The following AGO3 variants were observed in gnomAD, a reference collection of about 807,000 sequenced individuals.
AGO3 encodes the protein protein argonaute-3.
In AGO3, 16 loss-of-function variants were observed where a neutral mutation model predicts 105.5. The ratio of observed to expected loss-of-function variants is 0.15; its 90% CI spans 0.10 to 0.23. The LOEUF is 0.23. Ranked by LOEUF, AGO3 falls within the 10% of genes least tolerant of loss-of-function variation. The pLI, the probability that AGO3 is intolerant of heterozygous loss-of-function variation, is 1.00. For missense variants in AGO3, 534 were observed against 1,088.0 expected (o/e 0.49, Z 7.16); for synonymous variants, 340 against 367.3 (o/e 0.93, Z 0.85).
chr1:36,051,001 A>G (rs1189365180), intron 17 of AGO3, among the ~76,000 whole-genome samples: 2 of 151,964 alleles, frequency 1.3e-5, no homozygotes, highest in Non-Finnish European at 2.9e-5. Flanking sequence ...TAATTTTGAC[A>G]TTTTTTGTAG....
rs1010325137 is a variant in AGO3 at position 36,008,608 on chromosome 1, T to C, written c.794-82T>C. ...TTTTTGTCTGTTCAGAATTGAGTTTTTATGGTAATGAACAGGCTTTATAAG... is the reference window on the plus strand; with the variant it reads ...TTTTTGTCTGTTCAGAATTGAGTTTCTATGGTAATGAACAGGCTTTATAAG... On this transcript the variant is annotated intron_variant, in intron 6 of 18. Coordinates refer to ENST00000373191, the MANE Select transcript of AGO3 (RefSeq NM_024852.4). The surrounding 1 kb of genome is among the most constrained non-coding windows in gnomAD (Gnocchi z 5.1). The C allele has an allele frequency of 1.5e-6, 2 of 1,346,696 alleles. No individual in the cohort carries two copies. The highest frequency in any genetic ancestry group is 2.1e-6 in the Non-Finnish European group (2 of 969,916). 83.4% of individuals were successfully genotyped at this position (1,346,696 alleles called of 1,614,324 possible). A position where few individuals can be genotyped will look rare whatever the true frequency, so the allele number is the denominator to read the frequency against.
intron 11 of AGO3, among the ~76,000 whole-genome samples, chr1:36,018,732 A>G (rs1011080091): frequency 6.6e-6 from 1 of 151,968 alleles, no homozygotes; most frequent in African/African-American, 2.4e-5. Context: ...CACCTGGCCA[A>G]TATGAGGTTT....
At chr1:35,972,829 C>A (rs1166399039) in intron 4 of AGO3, among the ~76,000 whole-genome samples, 1 of 150,816 alleles carries the variant, frequency 6.6e-6, no homozygotes, top group Non-Finnish European at 1.5e-5. Flanking sequence ...CAGGTATGCA[C>A]CATCATGCCT....
chr1:36,051,449 A>G (rs1642711507), intron 17 of AGO3, among the ~76,000 whole-genome samples: 1 of 152,162 alleles, frequency 6.6e-6, no homozygotes, highest in Non-Finnish European at 1.5e-5. Flanking sequence ...GGCTGGGCAC[A>G]TGGTACATGC....
rs927277748 is a variant in AGO3, at chr1:35,943,983, T to C, written c.20-1709T>C. On this transcript the variant is annotated intron_variant, in intron 1 of 18. Transcript: ENST00000373191. The stretch of plus-strand genomic sequence containing the variant: ...GAATTTCTTTTTTAAGGCTGAATAA[T>C]ATTTCATTGTATGTATATACCACAT... Among the ~76,000 whole-genome samples, 5 of 152,244 alleles carry C rather than the reference T, an allele frequency of 3.3e-5. No homozygotes were observed. The South Asian group carries it at 6.2e-4, about 19-fold the overall frequency.
intron 5 of AGO3, among the ~76,000 whole-genome samples, chr1:36,003,709 A>AAAAAAATATATATATAT (rs1295618675): frequency 4.0e-5 from 4 of 99,432 alleles, no homozygotes; most frequent in East Asian, 2.9e-4. Flanking sequence ...AAAAAAAAAA[A>AAAAAAATATATATATAT]ATATATATAT....
chr1:36,013,189 T>G (rs990044919), intron 9 of AGO3, among the ~76,000 whole-genome samples: 1 of 152,108 alleles, frequency 6.6e-6, no homozygotes, highest in Non-Finnish European at 1.5e-5. Flanking sequence ...TTCTCCCACC[T>G]CAGCCTCCCA....
Position 36,068,113 on chromosome 1 carries a change from ACT to A in AGO3, c.*12370_*12371del, listed in dbSNP as rs1395573083. 6.6e-6 allele frequency: 1 copy of A among 152,144 alleles called. No homozygotes were observed. Among genetic ancestry groups the A allele is most frequent in the East Asian group, 1.9e-4 (1 of 5,202 alleles). The allele number at this position is 152,144 out of a possible 1,614,324, so 9.4% of individuals were successfully genotyped here. A position where few individuals can be genotyped will look rare whatever the true frequency, so the allele number is the denominator to read the frequency against. Reference sequence around the variant, plus strand: ...TTGTTCTTTTTTCCCCATCACACACACTCACACACAAACACACACACTGTTAA... The same window carrying A: ...TTGTTCTTTTTTCCCCATCACACACACACACACAAACACACACACTGTTAA... On this transcript the variant is annotated 3_prime_UTR_variant, in exon 19 of 19. Transcript: ENST00000373191.
At chr1:36,028,232 G>A (rs1428620513) in intron 12 of AGO3, among the ~76,000 whole-genome samples, 3 of 151,400 alleles carry the variant, frequency 2.0e-5, no homozygotes, top group Non-Finnish European at 4.4e-5. Flanking sequence ...TATTTTTTTT[G>A]TTTGTATTTA....
intron 6 of AGO3, among the ~76,000 whole-genome samples, chr1:36,007,961 C>T (rs938878395): frequency 2.6e-5 from 4 of 152,128 alleles, no homozygotes; most frequent in Admixed American, 6.6e-5. Context: ...GGCAGGGATC[C>T]AAGAACTCCT....
rs137903049 is a variant in AGO3 at position 35,964,054 on chromosome 1, A to G, written c.192-2901A>G. Among the ~76,000 whole-genome samples the G allele has an allele frequency of 2.5e-3, 388 of 152,272 alleles. 3 individuals carry two copies. Among genetic ancestry groups the G allele is most frequent in the East Asian group, 0.012 (64 of 5,186 alleles). On this transcript the variant is annotated intron_variant, in intron 2 of 18. Transcript: ENST00000373191. ...TGTTAGGCATCAAAGCAGGATATAT[A>G]TATATATTTTGCCAAAATTGTAGCA...
intron 5 of AGO3, 39 bp from the exon 6 acceptor site, chr1:36,004,302 G>T: frequency 6.4e-7 from 1 of 1,564,358 alleles, no homozygotes; most frequent in Non-Finnish European, 8.7e-7. Context: ...AATTTTTTAG[G>T]GAAACATTAA....
At chr1:36,049,770 G>A (rs186176498) in intron 17 of AGO3, among the ~76,000 whole-genome samples, 4 of 152,196 alleles carry the variant, frequency 2.6e-5, no homozygotes, top group Non-Finnish European at 4.4e-5. Context: ...CTGTATTTAA[G>A]TTAGACAAAA....
At chr1:35,948,910 T>C (rs1415557012) in intron 2 of AGO3, among the ~76,000 whole-genome samples, 1 of 151,824 alleles carries the variant, frequency 6.6e-6, no homozygotes, top group South Asian at 2.1e-4. Context: ...ATTTTTATCA[T>C]GTTTTTGAGT....
chr1:35,987,329 GA>G (rs924575045), intron 5 of AGO3, among the ~76,000 whole-genome samples: 167 of 118,844 alleles, frequency 1.4e-3, no homozygotes, highest in Admixed American at 2.1e-3. Context: ...TTCTGTCTCA[GA>G]AAAAAAAAAA....
At chr1:35,970,331 G>A (rs1016607486) in intron 3 of AGO3, among the ~76,000 whole-genome samples, 1 of 152,084 alleles carries the variant, frequency 6.6e-6, no homozygotes. Context: ...GTTCACACCC[G>A]ATTCTTCCAA....
intron 2 of AGO3, among the ~76,000 whole-genome samples, chr1:35,958,189 T>C (rs1350440986): frequency 6.6e-6 from 1 of 152,096 alleles, no homozygotes; most frequent in Non-Finnish European, 1.5e-5. Flanking sequence ...GAGATCAGCC[T>C]GGCCAACATG....
intron 14 of AGO3, among the ~76,000 whole-genome samples, chr1:36,038,005 T>G (rs533801270): frequency 4.6e-4 from 70 of 152,316 alleles, no homozygotes; most frequent in African/African-American, 1.6e-3. Flanking sequence ...TGGTTGATTC[T>G]TTTTCACTAT....
In AGO3 at chr1:36,068,372, T is replaced by G. The variant is rs1643120897; in HGVS notation, c.*12627T>G. 6.6e-6 allele frequency: 1 copy of G among 152,194 alleles called. No individual in the cohort carries two copies. The highest frequency in any genetic ancestry group is 6.5e-5 in the Admixed American group (1 of 15,276). 9.4% of individuals were successfully genotyped at this position (152,194 alleles called of 1,614,324 possible). On this transcript the variant is annotated 3_prime_UTR_variant, in exon 19 of 19. Transcript: ENST00000373191. ...GTATTATGGCACAGTGATAATATTA[T>G]TGTTGATATTAGCCAGATGTGGTGG...
Sources: allele counts gnomAD v4.1 joint callset (sites outside exome capture counted in the v4.1 genomes callset), GRCh38; gene constraint gnomAD v4.1.1; non-coding constraint Gnocchi (gnomAD v3.1); transcripts MANE v1.5; gene names NCBI Gene and HGNC (gene_info 2026-07-23, HGNC 2026-07-21).